The following MYOM2 variants were observed in gnomAD, a reference collection of about 807,000 sequenced individuals.
MYOM2 encodes the protein myomesin 2.
MYOM2 carries 254 observed loss-of-function variants against 187.6 expected under a neutral mutation model. The ratio of observed to expected loss-of-function variants is 1.35; its 90% CI spans 1.22 to 1.50. The LOEUF is 1.50. Among genes scored for constraint, MYOM2 ranks in the 40% most tolerant of loss-of-function variants. The pLI is 0.00. For missense variants in MYOM2, 2,796 were observed against 1,924.0 expected (o/e 1.45, Z -8.48); for synonymous variants, 981 against 753.8 (o/e 1.30, Z -4.94).
At chr8:2,045,943 T>G (rs1393090682) in intron 1 of MYOM2, among the ~76,000 whole-genome samples, 2 of 152,242 alleles carry the variant, frequency 1.3e-5, no homozygotes, top group Non-Finnish European at 2.9e-5. Context: ...CCATTTCACA[T>G]TCCTTTCTTA....
chr8:2,134,986 GCA>G (rs1798018032), intron 32 of MYOM2, among the ~76,000 whole-genome samples: 1 of 152,082 alleles, frequency 6.6e-6, no homozygotes, highest in Non-Finnish European at 1.5e-5. Flanking sequence ...GCACACGGAG[GCA>G]CACACTCGCT....
intron 17 of MYOM2, 96 bp downstream of exon 17, chr8:2,094,187 A>C: frequency 6.9e-7 from 1 of 1,446,718 alleles, no homozygotes; most frequent in African/African-American, 1.4e-5. Flanking sequence ...ATGTCATTGA[A>C]GGGGAAAAGG....
chr8:2,140,323 C>T (rs1263857232), intron 32 of MYOM2, among the ~76,000 whole-genome samples: 1 of 151,940 alleles, frequency 6.6e-6, no homozygotes, highest in African/African-American at 2.4e-5. Flanking sequence ...CGGTCGTGAA[C>T]GATACTACGA....
chr8:2,068,126 G>T (rs1819078610), intron 6 of MYOM2, among the ~76,000 whole-genome samples: 1 of 152,176 alleles, frequency 6.6e-6, no homozygotes, highest in Non-Finnish European at 1.5e-5. Context: ...CAATGCTCGT[G>T]TGCGCCAGGC....
rs1796050220 is a variant in MYOM2 at position 2,086,360 on chromosome 8, T to TGTCGTGATCTCCGCGTGGCCC, written c.1644+970_1644+971insGTCGTGATCTCCGCGTGGCCC. On this transcript the variant is annotated intron_variant, in intron 14 of 36. Coordinates refer to ENST00000262113, the MANE Select transcript of MYOM2 (RefSeq NM_003970.4). ...CCACTGTTGTGATCTCTGCGTGGCC[T>TGTCGTGATCTCCGCGTGGCCC]CCCACTGTTGTGATCTCTGCGTGGC... Among the ~76,000 whole-genome samples, 2 of 2,730 alleles carry TGTCGTGATCTCCGCGTGGCCC rather than the reference T, an allele frequency of 7.3e-4. 1 individual carries two copies. Among genetic ancestry groups the TGTCGTGATCTCCGCGTGGCCC allele is most frequent in the Non-Finnish European group, 1.6e-3 (2 of 1,288 alleles). The allele number at this position is 2,730 out of a possible 152,430, so 1.8% of individuals were successfully genotyped here. A position where few individuals can be genotyped will look rare whatever the true frequency, so the allele number is the denominator to read the frequency against.
chr8:2,087,686 C>G (rs1796142205), intron 14 of MYOM2, among the ~76,000 whole-genome samples: 1 of 152,234 alleles, frequency 6.6e-6, no homozygotes, highest in South Asian at 2.1e-4. Flanking sequence ...TCATGGCTCA[C>G]TGCAGTCTCC....
intron 3 of MYOM2, among the ~76,000 whole-genome samples, chr8:2,056,199 G>A (rs137890910): frequency 6.6e-6 from 1 of 152,204 alleles, no homozygotes; most frequent in Non-Finnish European, 1.5e-5. Flanking sequence ...AAGACACAGG[G>A]GAGAGGATTA....
chr8:2,132,299 G>C (rs752742992), intron 32 of MYOM2, among the ~76,000 whole-genome samples: 2 of 149,288 alleles, frequency 1.3e-5, no homozygotes, highest in Non-Finnish European at 1.5e-5. Flanking sequence ...GTGAAATGCG[G>C]ACGTAAGCAA....
At chr8:2,061,404 C>T (rs1338997248) in intron 6 of MYOM2, among the ~76,000 whole-genome samples, 1 of 152,172 alleles carries the variant, frequency 6.6e-6, no homozygotes, top group Non-Finnish European at 1.5e-5. Context: ...CCTGGCTTCT[C>T]TCCCTCTGTC....
chr8:2,081,377 G>A (rs537312716), intron 13 of MYOM2, among the ~76,000 whole-genome samples: 2 of 146,804 alleles, frequency 1.4e-5, no homozygotes, highest in African/African-American at 5.2e-5. Flanking sequence ...ATGAGGTTTG[G>A]TTCTGGCCTG....
chr8:2,055,788 GC>G (rs1818644484), intron 3 of MYOM2, among the ~76,000 whole-genome samples: 1 of 152,150 alleles, frequency 6.6e-6, no homozygotes, highest in Admixed American at 6.5e-5. Flanking sequence ...AGGCCTTACC[GC>G]CAACCTGCAG....
At chr8:2,091,571 C>G (rs1217724240) in intron 15 of MYOM2, among the ~76,000 whole-genome samples, 3 of 152,206 alleles carry the variant, frequency 2.0e-5, no homozygotes, top group East Asian at 3.8e-4. Context: ...CACCCTCTCT[C>G]TGTCGTGTTT....
chr8:2,058,103 C>G (rs1033964074), intron 5 of MYOM2, among the ~76,000 whole-genome samples: 3 of 138,246 alleles, frequency 2.2e-5, no homozygotes, highest in African/African-American at 8.0e-5. Flanking sequence ...AGTGCAATCT[C>G]CACTTCCCTG....
Position 2,106,399 on chromosome 8 carries a change from G to A in MYOM2, c.2891+1G>A, listed in dbSNP as rs1281268183. 6.2e-7 allele frequency: 1 copy of A among 1,613,760 alleles called. No individual in the cohort carries two copies. The highest frequency in any genetic ancestry group is 8.5e-7 in the Non-Finnish European group (1 of 1,179,770). ...TTAAAATTGAAACCGTGGGGGATCA[G>A]TAAGTGAGGCCTGGAAGTTGGATAC... On this transcript the variant is annotated splice_donor_variant, in intron 22 of 36. Coordinates refer to ENST00000262113, the MANE Select transcript of MYOM2 (RefSeq NM_003970.4). LOFTEE classifies it high-confidence loss of function.
At position 2,143,592 on chromosome 8, in the gene MYOM2, C is replaced by G. The variant is rs561029344; in HGVS notation, c.4080+136C>G. On this transcript the variant is annotated intron_variant, in intron 36 of 36. Coordinates refer to ENST00000262113, the MANE Select transcript of MYOM2 (RefSeq NM_003970.4). ...ACTCAGCCTGCAGGGAACCCAGAGT[C>G]CCCCCCACTTTTCTGCCCCTCCTAG... 5.7e-6 allele frequency: 6 copies of G among 1,043,492 alleles called. No homozygotes were observed. In the African/African-American group the frequency reaches 1.0e-4, roughly 17 times the overall value. 64.6% of individuals were successfully genotyped at this position (1,043,492 alleles called of 1,614,324 possible).
intron 17 of MYOM2, among the ~76,000 whole-genome samples, 164 bp downstream of exon 17, chr8:2,094,255 T>A (rs1796406945): frequency 6.6e-6 from 1 of 152,230 alleles, no homozygotes; most frequent in Non-Finnish European, 1.5e-5. Context: ...GTTGGCTGCT[T>A]GTCTTGGAAA....
Position 2,106,589 on chromosome 8 carries a change from A to G in MYOM2, c.2990A>G (p.Asp997Gly). The G allele has an allele frequency of 6.2e-7, 1 of 1,600,862 alleles. No homozygotes were observed. The highest frequency in any genetic ancestry group is 8.5e-7 in the Non-Finnish European group (1 of 1,169,676). Residue 997 changes from aspartate to glycine, a missense_variant, in exon 23 of 37, where the codon GAC (aspartate) becomes GGC (glycine). By Grantham distance (94) the Asp-to-Gly change is moderately conservative. Transcript: ENST00000262113. The stretch of plus-strand genomic sequence containing the variant: ...GGAGTGTCCTCCAGTTTTGTTCTGG[A>G]CCCAGAAGGTAATATTTATATGGCA... ...TDGVSSSFVLDPEELERLMAL... is the reference protein window; with the variant it reads ...TDGVSSSFVLGPEELERLMAL...
At position 2,049,013 on chromosome 8, in the gene MYOM2, A is replaced by G. The variant is rs1481226628; in HGVS notation, c.-12-1742A>G. Among the ~76,000 whole-genome samples, 4 of 151,788 alleles carry G rather than the reference A, an allele frequency of 2.6e-5. No homozygotes were observed. The South Asian group carries it at 6.2e-4, about 24-fold the overall frequency. On this transcript the variant is annotated intron_variant, in intron 1 of 36. Transcript: ENST00000262113. ...TCACCATCTTAGCCAGGGTAGTCTC[A>G]ATCTCCTGACCTCGTGATCCACCCG... is the stretch of plus-strand genomic sequence containing the variant.
At chr8:2,137,736 A>G (rs762840231) in intron 32 of MYOM2, among the ~76,000 whole-genome samples, 3 of 152,176 alleles carry the variant, frequency 2.0e-5, no homozygotes, top group Non-Finnish European at 4.4e-5. Flanking sequence ...GGGTACATTT[A>G]GTCAATAAAC....
Sources: gnomAD v4.1 joint callset for allele counts (sites outside exome capture counted in the v4.1 genomes callset) on GRCh38, gnomAD v4.1.1 for gene constraint, MANE v1.5 for transcripts, NCBI Gene and HGNC (gene_info 2026-07-23, HGNC 2026-07-21) for gene names.